The following NOS1 variants were observed in gnomAD, a reference collection of about 807,000 sequenced individuals.
NOS1 encodes NOS type I.
In NOS1, 51 loss-of-function variants were observed where a neutral mutation model predicts 164.5. The ratio of observed to expected loss-of-function variants is 0.31; its 90% confidence interval spans 0.25 to 0.39. The LOEUF (loss-of-function observed/expected upper bound fraction) is 0.39. Among genes scored for constraint, NOS1 ranks in the 10% least tolerant of loss-of-function variants. The pLI is 1.00. For missense variants in NOS1, 1,362 were observed against 1,885.6 expected, an observed-to-expected ratio of 0.72 and a Z score of 5.14; for synonymous variants, 719 against 745.8, an observed-to-expected ratio of 0.96 and a Z score of 0.59.
chr12:117,352,494 C>T (rs115291089), intron 1 of NOS1, among the ~76,000 whole-genome samples: 256 of 152,292 alleles, frequency 1.7e-3, no homozygotes, highest in African/African-American at 5.8e-3. Context: ...AGGGAACTGT[C>T]GCCTGCTCAC....
chr12:117,244,840 C>G (rs184076490), intron 18 of NOS1, among the ~76,000 whole-genome samples: 38 of 152,236 alleles, frequency 2.5e-4, no homozygotes, highest in African/African-American at 9.1e-4. Context: ...TGCGAAATGT[C>G]CAGCACAGGG....
At chr12:117,360,718 T>C (rs1877099756) in intron 1 of NOS1, among the ~76,000 whole-genome samples, 1 of 152,148 alleles carries the variant, frequency 6.6e-6, no homozygotes, top group African/African-American at 2.4e-5. Flanking sequence ...CGCCATTACC[T>C]GCGGCTCGCA....
At position 117,258,447 on chromosome 12, in the gene NOS1, G is replaced by T. The variant is rs765544001; in HGVS notation, c.2481C>A (p.Gly827=). ...GGTGCCTCATTTCCATCAAAGCACA[G>T]CCGAATTTCTGGAAGCCAAAACATA... The part of the protein sequence containing the change: ...GDPPENGEKF[G]CALMEMRHPN... The change falls in exon 16 of 29, where the codon GGC becomes GGA. Residue 827 remains glycine, a synonymous_variant. Coordinates refer to ENST00000317775, the MANE Select transcript of NOS1 (RefSeq NM_000620.5). The T allele has an allele frequency of 6.2e-7, 1 of 1,614,120 alleles. No homozygotes were observed. The highest frequency in any genetic ancestry group is 2.2e-5 in the East Asian group (1 of 44,880).
intron 3 of NOS1, among the ~76,000 whole-genome samples, chr12:117,300,646 C>T (rs1332972509): frequency 6.6e-6 from 1 of 151,978 alleles, no homozygotes; most frequent in Admixed American, 6.6e-5. Context: ...TTTGAGGGCA[C>T]CCTGGGAATG....
intron 2 of NOS1, among the ~76,000 whole-genome samples, chr12:117,317,034 C>T (rs753985482): frequency 7.9e-5 from 12 of 152,240 alleles, no homozygotes; most frequent in Non-Finnish European, 1.8e-4. Flanking sequence ...ACGTGCACCA[C>T]CAAGCCTTGC....
At chr12:117,308,641 G>A (rs899828997) in intron 3 of NOS1, among the ~76,000 whole-genome samples, 1 of 151,140 alleles carries the variant, frequency 6.6e-6, no homozygotes, top group South Asian at 2.1e-4. Context: ...CTGTCGCCCA[G>A]GCTGGAGTGC....
intron 1 of NOS1, among the ~76,000 whole-genome samples, chr12:117,347,574 G>C (rs1876413010): frequency 6.6e-6 from 1 of 152,194 alleles, no homozygotes; most frequent in African/African-American, 2.4e-5. Flanking sequence ...ACCCCTGCTA[G>C]TGAGTGAGTT....
intron 3 of NOS1, among the ~76,000 whole-genome samples, chr12:117,301,284 C>T (rs1258123214): frequency 6.6e-6 from 1 of 151,768 alleles, no homozygotes; most frequent in Non-Finnish European, 1.5e-5. Context: ...TGTGCCACCA[C>T]ACCTGGCTAA....
rs369758091 is a variant in NOS1, at chr12:117,336,896, A to T, written c.-420-5407T>A. Among the ~76,000 whole-genome samples the T allele has an allele frequency of 6.6e-5, 10 of 152,052 alleles. No homozygotes were observed. The East Asian group carries it at 1.2e-3, about 18-fold the overall frequency. On this transcript the variant is annotated intron_variant, in intron 1 of 28. Coordinates refer to ENST00000317775, the MANE Select transcript of NOS1 (RefSeq NM_000620.5). ...ACTGCAGCCTCCACCTCCCAGGCTC[A>T]AGTGATCCTCCTACTTCAGCCCCCT...
At chr12:117,237,689 C>A (rs937560804) in intron 20 of NOS1, among the ~76,000 whole-genome samples, 2 of 148,306 alleles carry the variant, frequency 1.3e-5, no homozygotes, top group East Asian at 3.9e-4. Flanking sequence ...AAAAAAAAAA[C>A]AGAAAATGTG....
At position 117,336,623 on chromosome 12, in the gene NOS1, C is replaced by CA. The variant is rs111986543; in HGVS notation, c.-420-5135dup. Among the ~76,000 whole-genome samples, 21 of 152,040 alleles carry CA rather than the reference C, an allele frequency of 1.4e-4. 2 individuals carry two copies. Among genetic ancestry groups the CA allele is most frequent in the Middle Eastern group, 3.4e-3 (1 of 294 alleles). On this transcript the variant is annotated intron_variant, in intron 1 of 28. Coordinates refer to ENST00000317775, the MANE Select transcript of NOS1 (RefSeq NM_000620.5). ...ATGTAATCAAACACCACCTGTTCCC[C>CA]AAAAAACCTATTGAAATAAAAAAAT...
At chr12:117,322,352 T>C (rs1373942685) in intron 2 of NOS1, among the ~76,000 whole-genome samples, 3 of 119,240 alleles carry the variant, frequency 2.5e-5, no homozygotes, top group African/African-American at 8.9e-5. Context: ...CCTCCTTCCA[T>C]CCTTCCTTCT....
At chr12:117,321,707 G>T (rs1482139806) in intron 2 of NOS1, among the ~76,000 whole-genome samples, 3 of 152,162 alleles carry the variant, frequency 2.0e-5, no homozygotes, top group Non-Finnish European at 4.4e-5. Context: ...CCAGCAGAGG[G>T]ATTCCAAGCT....
In NOS1 at chr12:117,212,354, G is replaced by A. The variant is rs987618105; in HGVS notation, c.*2955C>T. The A allele has an allele frequency of 3.8e-5, 37 of 985,200 alleles. No individual in the cohort carries two copies. Among genetic ancestry groups the A allele is most frequent in the Middle Eastern group, 5.2e-4 (1 of 1,936 alleles). The allele number at this position is 985,200 out of a possible 1,614,324, so 61.0% of individuals were successfully genotyped here. ...CAGAATTAGGATTTGCACTCAGGTCGGCTCCCAAAATTCCATATTGATGGG... is the reference window on the plus strand; with the variant it reads ...CAGAATTAGGATTTGCACTCAGGTCAGCTCCCAAAATTCCATATTGATGGG... On this transcript the variant is annotated 3_prime_UTR_variant, in exon 29 of 29. Transcript: ENST00000317775.
intron 10 of NOS1, among the ~76,000 whole-genome samples, chr12:117,270,940 G>A (rs573441537): frequency 1.3e-5 from 2 of 152,280 alleles, no homozygotes; most frequent in African/African-American, 4.8e-5. Flanking sequence ...CTACTTGGGA[G>A]GCTGAGACAG....
rs530953398 is a variant in NOS1 at position 117,261,212 on chromosome 12, C to G, written c.2223-603G>C. 6.2e-3 allele frequency among the ~76,000 whole-genome samples: 922 copies of G among 148,196 alleles called. 10 individuals are homozygous for G. Among genetic ancestry groups the G allele is most frequent in the African/African-American group, 0.022 (879 of 39,886 alleles). ...AAAAAAAAAAAAAAAAAAATCCCAC[C>G]AGAGCAATTAGTCATGAATTAAAAG... On this transcript the variant is annotated intron_variant, in intron 13 of 28. Transcript: ENST00000317775.
chr12:117,360,080 T>C (rs1877063137), intron 1 of NOS1, among the ~76,000 whole-genome samples: 1 of 151,062 alleles, frequency 6.6e-6, no homozygotes, highest in South Asian at 2.1e-4. Flanking sequence ...ATGAAGAGAC[T>C]TACCGAAGGT....
chr12:117,299,982 T>C (rs566778890), intron 3 of NOS1, among the ~76,000 whole-genome samples: 1 of 152,190 alleles, frequency 6.6e-6, no homozygotes, highest in Non-Finnish European at 1.5e-5. Context: ...GCCTGCCCTA[T>C]GATACCGCAT....
Position 117,208,491 on chromosome 12 carries a change from T to G in NOS1, c.*6818A>C, listed in dbSNP as rs1340778159. On this transcript the variant is annotated 3_prime_UTR_variant, in exon 29 of 29. Coordinates refer to ENST00000317775, the MANE Select transcript of NOS1 (RefSeq NM_000620.5). ...CCGGAACGGACACTGCGACGTGGGG[T>G]GCCCGGCACCGCTCTTTGGGCCTTC... is the stretch of plus-strand genomic sequence containing the variant. 1.8e-5 allele frequency: 23 copies of G among 1,253,974 alleles called. No individual in the cohort carries two copies. The highest frequency in any genetic ancestry group is 2.4e-5 in the Non-Finnish European group (23 of 968,112). 77.7% of individuals were successfully genotyped at this position (1,253,974 alleles called of 1,614,324 possible). A position where few individuals can be genotyped will look rare whatever the true frequency, so the allele number is the denominator to read the frequency against.
Sources: allele counts gnomAD v4.1 joint callset (sites outside exome capture counted in the v4.1 genomes callset), GRCh38; gene constraint gnomAD v4.1.1; transcripts MANE v1.5; gene names NCBI Gene and HGNC (gene_info 2026-07-23, HGNC 2026-07-21).